The following ZNF490 variants were observed in gnomAD, a reference collection of about 807,000 sequenced individuals.
ZNF490 encodes the protein zinc finger protein 490.
Under a neutral mutation model 17.7 loss-of-function variants are expected in ZNF490, and 11 were observed. That is an observed-to-expected ratio of 0.62 (90% confidence interval 0.39 to 1.03). The LOEUF (loss-of-function observed/expected upper bound fraction) is 1.03, where lower values mean the gene tolerates loss of function less well. Among genes scored for constraint, ZNF490 ranks in the 50% least tolerant of loss-of-function variants. The pLI is 0.00. For synonymous variants in ZNF490, 222 were observed against 216.1 expected (o/e 1.03, Z -0.24); for missense variants, 542 against 643.4 (o/e 0.84, Z 1.71).
intron 1 of ZNF490, chr19:12,609,725 C>T (rs1336628665): frequency 3.5e-6 from 1 of 285,952 alleles, no homozygotes; most frequent in African/African-American, 2.3e-5. Context: ...TGCGATGATG[C>T]AAAAACAGAA....
At position 12,581,444 on chromosome 19, in the gene ZNF490, T is replaced by C. The variant is rs1412872028; in HGVS notation, c.631A>G (p.Thr211Ala). 1 of 1,614,258 alleles carries C rather than the reference T, an allele frequency of 6.2e-7. No homozygotes were observed. The highest frequency in any genetic ancestry group is 1.7e-5 in the Admixed American group (1 of 60,024). The change falls in exon 5 of 5, where the codon ACC (threonine) becomes GCC (alanine). Residue 211 changes from threonine (T) to alanine (A), a missense_variant. Thr to Ala is a moderately conservative substitution (Grantham distance 58, BLOSUM62 0). Transcript: ENST00000311437. ...KTFTRSSSIR[T>A]HERIHTGEKP... ...TCTCCAGTGTGAATTCTTTCATGGGTTCGAATACTGGAGCTGCGAGTGAAG... is the reference window on the plus strand; with the variant it reads ...TCTCCAGTGTGAATTCTTTCATGGGCTCGAATACTGGAGCTGCGAGTGAAG...
rs1441796882 is a variant in ZNF490, at chr19:12,582,879, A to G, written c.321T>C (p.Asp107=). The change falls in exon 4 of 5, where the codon GAT becomes GAC. Residue 107 remains aspartate (D), a synonymous_variant. Coordinates refer to ENST00000311437, the MANE Select transcript of ZNF490 (RefSeq NM_020714.3). ...GEKWKDQDIE[D]EHKNQGRNLR... ...GATTTCTTCCCTGGTTTTTGTGTTC[A>G]TCTTCAATATCCTGGTCTTTCCATT... is the stretch of plus-strand genomic sequence containing the variant. 3 of 1,613,288 alleles carry G rather than the reference A, an allele frequency of 1.9e-6. No homozygotes were observed. Among genetic ancestry groups the G allele is most frequent in the South Asian group, 1.1e-5 (1 of 90,884 alleles).
At chr19:12,600,308 A>C (rs150964103) in intron 2 of ZNF490, among the ~76,000 whole-genome samples, 2,670 of 152,078 alleles carry the variant, frequency 0.018, 90 homozygotes, top group African/African-American at 0.062. Flanking sequence ...TGGAAGTTGC[A>C]GTGAGCCGAG....
intron 1 of ZNF490, chr19:12,609,902 G>C: frequency 2.2e-6 from 1 of 455,060 alleles, no homozygotes; most frequent in South Asian, 1.6e-5. Flanking sequence ...TTTGGGTGAT[G>C]GGTGCACTAA....
chr19:12,589,585 T>C (rs1272210942), intron 2 of ZNF490, among the ~76,000 whole-genome samples: 2 of 150,436 alleles, frequency 1.3e-5, no homozygotes, highest in African/African-American at 2.4e-5. Context: ...TTTTTTTTTT[T>C]TGAGACAGGT....
intron 2 of ZNF490, among the ~76,000 whole-genome samples, chr19:12,583,956 G>A (rs1421267608): frequency 1.3e-5 from 2 of 150,544 alleles, no homozygotes; most frequent in South Asian, 2.1e-4. Flanking sequence ...GACTACAGGC[G>A]CCCACCACCA....
chr19:12,578,210 G>A lies in ZNF490; in HGVS notation c.*2275C>T, dbSNP rs780612346. On this transcript the variant is annotated 3_prime_UTR_variant, in exon 5 of 5. Coordinates refer to ENST00000311437, the MANE Select transcript of ZNF490 (RefSeq NM_020714.3). ...CCGGAGCATCATCAGTGCATATGCC[G>A]CTGAATATCTCAGGGTAGAATGTGC... is the stretch of plus-strand genomic sequence containing the variant. 7.1e-5 allele frequency: 70 copies of A among 985,508 alleles called. No homozygotes were observed. The highest frequency in any genetic ancestry group is 8.1e-5 in the Non-Finnish European group (67 of 829,990). The allele number at this position is 985,508 out of a possible 1,614,324, so 61.0% of individuals were successfully genotyped here.
At chr19:12,594,103 C>T (rs371883662) in intron 2 of ZNF490, among the ~76,000 whole-genome samples, 1 of 152,200 alleles carries the variant, frequency 6.6e-6, no homozygotes, top group East Asian at 1.9e-4. Context: ...CTGTTTCTTG[C>T]ATCAGAGCCC....
Position 12,602,753 on chromosome 19 carries a change from A to C in ZNF490, c.162+6405T>G, listed in dbSNP as rs1265801242. On this transcript the variant is annotated intron_variant, in intron 2 of 4. Coordinates refer to ENST00000311437, the MANE Select transcript of ZNF490 (RefSeq NM_020714.3). The stretch of plus-strand genomic sequence containing the variant: ...GATTCTCTCACCTCAGCCTCCCGAG[A>C]AGCTGGGCCTACAGGTGCGCACCAC... Among the ~76,000 whole-genome samples the C allele has an allele frequency of 2.0e-5, 3 of 151,408 alleles. No homozygotes were observed. In the East Asian group the frequency reaches 5.9e-4, roughly 30 times the overall value.
chr19:12,580,434 T>A lies in ZNF490; in HGVS notation c.*51A>T. The A allele has an allele frequency of 1.3e-6, 2 of 1,526,700 alleles. No homozygotes were observed. The highest frequency in any genetic ancestry group is 1.8e-6 in the Non-Finnish European group (2 of 1,139,766). 94.6% of individuals were successfully genotyped at this position (1,526,700 alleles called of 1,614,324 possible). ...TTTCTCTCCAGCGTAAGTACTCTCATACATCCAAAAGGAACTAATACAACT... is the reference window on the plus strand; with the variant it reads ...TTTCTCTCCAGCGTAAGTACTCTCAAACATCCAAAAGGAACTAATACAACT... On this transcript the variant is annotated 3_prime_UTR_variant, in exon 5 of 5. Transcript: ENST00000311437.
At position 12,580,936 on chromosome 19, in the gene ZNF490, T is replaced by C. The variant is rs974067760; in HGVS notation, c.1139A>G (p.His380Arg). 6.2e-7 allele frequency: 1 copy of C among 1,614,122 alleles called. No homozygotes were observed. Among genetic ancestry groups the C allele is most frequent in the Non-Finnish European group, 8.5e-7 (1 of 1,180,054 alleles). Reference protein sequence around the residue: ...AFKSSSSCEVHERTHFGEKPY... With the variant: ...AFKSSSSCEVRERTHFGEKPY... ...TTTTTCTCCAAAATGAGTTCTTTCG[T>C]GCACTTCACAGGAACTAGATGACTT... is the stretch of plus-strand genomic sequence containing the variant. The change falls in exon 5 of 5, where the codon CAC (histidine) becomes CGC (arginine). Residue 380 changes from histidine (H) to arginine (R), a missense_variant. His to Arg is a conservative substitution (Grantham distance 29). Transcript: ENST00000311437.
At position 12,580,783 on chromosome 19, in the gene ZNF490, G is replaced by A; in HGVS notation, c.1292C>T (p.Thr431Ile). Residue 431 changes from threonine (T) to isoleucine (I), a missense_variant, in exon 5 of 5, where the codon ACT becomes ATT. By Grantham distance (89) the Thr-to-Ile change is moderately conservative. Coordinates refer to ENST00000311437, the MANE Select transcript of ZNF490 (RefSeq NM_020714.3). Reference sequence around the variant, plus strand: ...GGTTCTTTCATGGATTCGAAAGTGAGTGGAATAAAGAAAGGCTTTACCACA... The same window carrying A: ...GGTTCTTTCATGGATTCGAAAGTGAATGGAATAAAGAAAGGCTTTACCACA... ...KECGKAFLYS[T>I]HFRIHERTHT... The A allele has an allele frequency of 1.2e-6, 2 of 1,614,168 alleles. No individual in the cohort carries two copies. The highest frequency in any genetic ancestry group is 1.7e-6 in the Non-Finnish European group (2 of 1,180,032).
At chr19:12,607,339 C>T (rs2023080873) in intron 2 of ZNF490, among the ~76,000 whole-genome samples, 1 of 151,572 alleles carries the variant, frequency 6.6e-6, no homozygotes, top group African/African-American at 2.4e-5. Flanking sequence ...TACAGATGTG[C>T]ACAACCACAC....
rs2022675315 is a variant in ZNF490, at chr19:12,578,507, A to G, written c.*1978T>C. 1 of 985,342 alleles carries G rather than the reference A, an allele frequency of 1.0e-6. No homozygotes were observed. The highest frequency in any genetic ancestry group is 1.1e-4 in the East Asian group (1 of 8,822). 61.0% of individuals were successfully genotyped at this position (985,342 alleles called of 1,614,324 possible). ...GATGTGAATGTTTAAACAAGTGTCC[A>G]AAGTGTAGGTTTGAGATGGGAAATG... On this transcript the variant is annotated 3_prime_UTR_variant, in exon 5 of 5. Coordinates refer to ENST00000311437, the MANE Select transcript of ZNF490 (RefSeq NM_020714.3).
chr19:12,582,292 AT>A (rs1555700076), intron 4 of ZNF490, among the ~76,000 whole-genome samples: 2 of 150,594 alleles, frequency 1.3e-5, no homozygotes, highest in Non-Finnish European at 3.0e-5. Flanking sequence ...GGTTTTCACT[AT>A]GTTGACCAGG....
At chr19:12,583,352 T>C in intron 3 of ZNF490, 78 bp downstream of exon 3, 1 of 1,473,000 alleles carries the variant, frequency 6.8e-7, no homozygotes, top group Non-Finnish European at 9.1e-7. Flanking sequence ...TCCCCCATTT[T>C]AAACCTTGGA....
At chr19:12,584,027 G>A (rs1471933569) in intron 2 of ZNF490, among the ~76,000 whole-genome samples, 1 of 150,040 alleles carries the variant, frequency 6.7e-6, no homozygotes, top group African/African-American at 2.5e-5. Flanking sequence ...AGCCAAGATG[G>A]TTTCCATCTC....
chr19:12,580,481 T>G lies in ZNF490; in HGVS notation c.*4A>C. On this transcript the variant is annotated 3_prime_UTR_variant, in exon 5 of 5. Coordinates refer to ENST00000311437, the MANE Select transcript of ZNF490 (RefSeq NM_020714.3). ...AACTGACAGCATTACCACACTTTAC[T>G]TTCTTAGGGCTTCTGTCTACTATGA... is the stretch of plus-strand genomic sequence containing the variant. 1 of 1,572,178 alleles carries G rather than the reference T, an allele frequency of 6.4e-7. No individual in the cohort carries two copies. The highest frequency in any genetic ancestry group is 8.6e-7 in the Non-Finnish European group (1 of 1,160,664).
At position 12,580,122 on chromosome 19, in the gene ZNF490, C is replaced by T; in HGVS notation, c.*363G>A. The T allele has an allele frequency of 9.9e-7, 1 of 1,008,366 alleles. No individual in the cohort carries two copies. Among genetic ancestry groups the T allele is most frequent in the Non-Finnish European group, 1.2e-6 (1 of 845,222 alleles). The allele number at this position is 1,008,366 out of a possible 1,614,324, so 62.5% of individuals were successfully genotyped here. A position where few individuals can be genotyped will look rare whatever the true frequency, so the allele number is the denominator to read the frequency against. On this transcript the variant is annotated 3_prime_UTR_variant, in exon 5 of 5. Transcript: ENST00000311437. ...AATTACATCTCAACAAAAACAAAAA[C>T]AAAAAACAAACCCCACAAAAGATGG...
Sources: allele counts gnomAD v4.1 joint callset (sites outside exome capture counted in the v4.1 genomes callset), GRCh38; gene constraint gnomAD v4.1.1; transcripts MANE v1.5; gene names NCBI Gene and HGNC (gene_info 2026-07-23, HGNC 2026-07-21).